The following EXOC6 variants were observed in gnomAD, a reference collection of about 807,000 sequenced individuals.
EXOC6 encodes the protein exocyst complex component 6, also known as SEC15-like 1.
In EXOC6, 60 loss-of-function variants were observed where a neutral mutation model predicts 112.5. That is an observed-to-expected ratio of 0.53 (90% CI 0.43 to 0.66). EXOC6 has a LOEUF of 0.66. EXOC6 is among the 30% of genes least tolerant of loss of function. The pLI is 0.00. For missense variants in EXOC6, 855 were observed against 957.1 expected (o/e 0.89, Z 1.41); for synonymous variants, 295 against 308.0 (o/e 0.96, Z 0.44).
chr10:93,024,989 A>G (rs1844963407), intron 20 of EXOC6, among the ~76,000 whole-genome samples: 2 of 152,164 alleles, frequency 1.3e-5, no homozygotes, highest in Admixed American at 1.3e-4. Flanking sequence ...AAAAAATACA[A>G]ATTGTATGTG....
At chr10:92,844,622 C>G (rs1374501465), upstream of EXOC6, among the ~76,000 whole-genome samples, 3 of 152,010 alleles carry the variant, frequency 2.0e-5, no homozygotes, top group Non-Finnish European at 2.9e-5. Flanking sequence ...ATTTATGTGT[C>G]TGGTTTTTAT....
At chr10:92,943,069 T>C (rs942254929) in intron 13 of EXOC6, among the ~76,000 whole-genome samples, 5 of 151,870 alleles carry the variant, frequency 3.3e-5, no homozygotes, top group African/African-American at 1.2e-4. Context: ...TCACCTGTGC[T>C]GGAGTGCAGT....
chr10:93,048,430 G>A (rs753528477), intron 20 of EXOC6, among the ~76,000 whole-genome samples: 102 of 151,734 alleles, frequency 6.7e-4, no homozygotes, highest in Non-Finnish European at 1.2e-3. Flanking sequence ...TGGGTGCAGT[G>A]GCTCACGCCT....
At chr10:92,832,514 G>A (rs562244454), upstream of EXOC6, among the ~76,000 whole-genome samples, 1 of 152,168 alleles carries the variant, frequency 6.6e-6, no homozygotes, top group South Asian at 2.1e-4. Flanking sequence ...CCGACCTCAG[G>A]TGATCCACCC....
chr10:92,926,435 A>C (rs1371879697), intron 8 of EXOC6, among the ~76,000 whole-genome samples: 1 of 151,940 alleles, frequency 6.6e-6, no homozygotes, highest in Non-Finnish European at 1.5e-5. Context: ...GTTAAGGAAT[A>C]ATGTGTTCAT....
chr10:92,998,409 G>A (rs1404146104), intron 19 of EXOC6, among the ~76,000 whole-genome samples: 1 of 152,102 alleles, frequency 6.6e-6, no homozygotes, highest in Non-Finnish European at 1.5e-5. Flanking sequence ...TAAAATATTT[G>A]TCTGAGGAAA....
chr10:92,908,520 A>G (rs1210925152), intron 5 of EXOC6, among the ~76,000 whole-genome samples: 2 of 152,114 alleles, frequency 1.3e-5, no homozygotes, highest in Admixed American at 1.3e-4. Context: ...AAGTTCCTCT[A>G]CCTAACTCTC....
At chr10:92,928,568 A>C in intron 9 of EXOC6, 146 bp downstream of exon 9, 2 of 552,714 alleles carry the variant, frequency 3.6e-6, no homozygotes. Flanking sequence ...TTTAGGTGCT[A>C]AGGGTACAGC....
chr10:92,897,113 A>G (rs1849869040), intron 4 of EXOC6, among the ~76,000 whole-genome samples: 1 of 152,158 alleles, frequency 6.6e-6, no homozygotes, highest in Non-Finnish European at 1.5e-5. Context: ...CCTGTCTGAT[A>G]ATAAACCTTA....
chr10:92,911,921 C>CG (rs1564823425), intron 6 of EXOC6, among the ~76,000 whole-genome samples: 20 of 128,336 alleles, frequency 1.6e-4, no homozygotes, highest in African/African-American at 5.2e-4. Flanking sequence ...CTCTCTCTCT[C>CG]TCTCTCTCTC....
intron 20 of EXOC6, among the ~76,000 whole-genome samples, chr10:93,028,136 A>AT (rs1484885694): frequency 2.0e-5 from 3 of 151,786 alleles, no homozygotes; most frequent in Non-Finnish European, 4.4e-5. Context: ...GTCATATGTT[A>AT]TTTTTTTTAA....
chr10:92,968,336 C>T (rs911460131), intron 17 of EXOC6, among the ~76,000 whole-genome samples: 1 of 152,096 alleles, frequency 6.6e-6, no homozygotes, highest in Non-Finnish European at 1.5e-5. Flanking sequence ...AGGCACAAGC[C>T]ACCATGACCA....
intron 17 of EXOC6, among the ~76,000 whole-genome samples, chr10:92,956,829 T>C (rs917158479): frequency 2.6e-5 from 4 of 152,130 alleles, no homozygotes; most frequent in African/African-American, 9.6e-5. Context: ...GCAAGTTCTT[T>C]AATGTAAATG....
At chr10:92,935,108 A>C (rs1852272620) in intron 11 of EXOC6, among the ~76,000 whole-genome samples, 1 of 151,904 alleles carries the variant, frequency 6.6e-6, no homozygotes, top group South Asian at 2.1e-4. Context: ...AAATTGAAGA[A>C]AGTTTGTTAG....
At chr10:92,948,141 T>A (rs1245907710) in intron 13 of EXOC6, 133 bp from the exon 14 acceptor site, 5 of 533,774 alleles carry the variant, frequency 9.4e-6, no homozygotes, top group Non-Finnish European at 1.7e-5. Flanking sequence ...TTAGGCAGTA[T>A]CTTCCTGTTT....
intron 14 of EXOC6, among the ~76,000 whole-genome samples, chr10:92,948,698 A>C (rs1371713824): frequency 2.0e-5 from 3 of 151,898 alleles, no homozygotes; most frequent in African/African-American, 7.3e-5. Context: ...GTGGATTCCT[A>C]GGAGAGGTGT....
intron 18 of EXOC6, among the ~76,000 whole-genome samples, chr10:92,977,919 G>T (rs1842692337): frequency 6.6e-6 from 1 of 151,820 alleles, no homozygotes; most frequent in Non-Finnish European, 1.5e-5. Flanking sequence ...ATAGAATCCT[G>T]GTCTAACTAG....
rs571317598 is a variant in EXOC6 at position 93,002,632 on chromosome 10, C to T, written c.2095+5017C>T. On this transcript the variant is annotated intron_variant, in intron 19 of 21. Transcript: ENST00000260762. ...ATCTATTTAGGTCAATTATTCAGAA[C>T]CTTATGGGTACCTTAAGATTTCTCA... Among the ~76,000 whole-genome samples, 14 of 152,222 alleles carry T rather than the reference C, an allele frequency of 9.2e-5. 1 individual carries two copies. In the South Asian group the frequency reaches 2.1e-3, roughly 23 times the overall value.
intron 17 of EXOC6, among the ~76,000 whole-genome samples, chr10:92,969,940 C>T (rs963675844): frequency 2.0e-5 from 3 of 152,200 alleles, no homozygotes; most frequent in African/African-American, 7.2e-5. Context: ...GTGATCCACC[C>T]ACCTTGGCCT....
Sources: gnomAD v4.1 joint callset for allele counts (sites outside exome capture counted in the v4.1 genomes callset) on GRCh38, gnomAD v4.1.1 for gene constraint, MANE v1.5 for transcripts, NCBI Gene and HGNC (gene_info 2026-07-23, HGNC 2026-07-21) for gene names.